Variants in SDK1 observed in about 807,000 individuals in gnomAD.
The protein encoded by SDK1 is sidekick cell adhesion molecule 1, also known as protein sidekick-1.
Under a neutral mutation model 245.5 loss-of-function variants are expected in SDK1, and 157 were observed. The ratio of observed to expected loss-of-function variants is 0.64; its 90% confidence interval spans 0.56 to 0.73. The LOEUF is 0.73. Ranked by LOEUF, SDK1 falls within the 30% of genes least tolerant of loss-of-function variation. The pLI is 0.00. For synonymous variants in SDK1, 1,647 were observed against 1,278.5 expected, an observed-to-expected ratio of 1.29 and a Z score of -6.15; for missense variants, 3,583 against 3,002.3, an observed-to-expected ratio of 1.19 and a Z score of -4.52.
chr7:3,898,625 A>C (rs961930623), intron 5 of SDK1, among the ~76,000 whole-genome samples: 9 of 152,208 alleles, frequency 5.9e-5, no homozygotes, highest in African/African-American at 2.2e-4. Context: ...GCAACAAAAG[A>C]GCAGCATCTC....
At chr7:3,731,803 A>T (rs988850175) in intron 4 of SDK1, among the ~76,000 whole-genome samples, 2 of 151,962 alleles carry the variant, frequency 1.3e-5, no homozygotes, top group Non-Finnish European at 2.9e-5. Context: ...ATTTTATTTT[A>T]TTTTTTTGAG....
intron 4 of SDK1, among the ~76,000 whole-genome samples, chr7:3,732,846 A>G (rs1398591018): frequency 6.6e-6 from 1 of 152,136 alleles, no homozygotes; most frequent in Non-Finnish European, 1.5e-5. Context: ...TGGTGACTAG[A>G]TTATCTTTCT....
intron 14 of SDK1, among the ~76,000 whole-genome samples, chr7:3,989,081 C>G (rs1784092260): frequency 6.6e-6 from 1 of 152,188 alleles, no homozygotes; most frequent in Non-Finnish European, 1.5e-5. Flanking sequence ...AATACGTAAG[C>G]TGCCGGCCTC....
chr7:3,755,071 C>CTA (rs1430502906), intron 4 of SDK1, among the ~76,000 whole-genome samples: 1 of 152,172 alleles, frequency 6.6e-6, no homozygotes, highest in Admixed American at 6.5e-5. Flanking sequence ...TCAGAGCTTG[C>CTA]TATACCAAGG....
chr7:3,656,938 G>A (rs1010315546), intron 4 of SDK1, among the ~76,000 whole-genome samples: 23 of 151,654 alleles, frequency 1.5e-4, no homozygotes, highest in African/African-American at 5.1e-4. Flanking sequence ...TAGTAGAGAC[G>A]GGGTTTCACC....
chr7:3,799,125 T>G (rs1483903492), intron 4 of SDK1, among the ~76,000 whole-genome samples: 2 of 152,234 alleles, frequency 1.3e-5, no homozygotes, highest in South Asian at 2.1e-4. Flanking sequence ...CCCTCATGTT[T>G]CTTCTCCTCT....
chr7:3,750,365 A>T (rs985540641), intron 4 of SDK1, among the ~76,000 whole-genome samples: 3 of 152,224 alleles, frequency 2.0e-5, no homozygotes, highest in African/African-American at 7.2e-5. Flanking sequence ...AAGCAGGTAA[A>T]GAATGTAAAT....
In SDK1 at chr7:3,988,737, G is replaced by A. The variant is rs865944076; in HGVS notation, c.2131+1415G>A. 4.6e-5 allele frequency among the ~76,000 whole-genome samples: 7 copies of A among 152,048 alleles called. No homozygotes were observed. The Middle Eastern group carries it at 9.6e-3, about 208-fold the overall frequency. On this transcript the variant is annotated intron_variant, in intron 14 of 44. Transcript: ENST00000404826. ...GATAATCCATTACCTCCACAAAGAAGCTCTCCAGCACGCCAGCCCGATTTC... is the reference window on the plus strand; with the variant it reads ...GATAATCCATTACCTCCACAAAGAAACTCTCCAGCACGCCAGCCCGATTTC...
chr7:4,116,310 C>G (rs1783706186), intron 25 of SDK1, among the ~76,000 whole-genome samples: 1 of 152,186 alleles, frequency 6.6e-6, no homozygotes, highest in Non-Finnish European at 1.5e-5. Context: ...ATTCCCAACA[C>G]CACCCCTCCA....
intron 4 of SDK1, among the ~76,000 whole-genome samples, chr7:3,660,905 C>T (rs1038583707): frequency 2.6e-5 from 4 of 152,208 alleles, no homozygotes; most frequent in Admixed American, 2.6e-4. Flanking sequence ...CTGAGAGATA[C>T]ATTATGTCCT....
At chr7:3,986,621 GA>G (rs1783851539) in intron 13 of SDK1, among the ~76,000 whole-genome samples, 1 of 152,218 alleles carries the variant, frequency 6.6e-6, no homozygotes, top group African/African-American at 2.4e-5. Flanking sequence ...AGCACTTTGG[GA>G]GGCCAAGGCG....
chr7:3,305,057 G>A (rs1175115292), intron 1 of SDK1, among the ~76,000 whole-genome samples: 1 of 152,120 alleles, frequency 6.6e-6, no homozygotes, highest in Admixed American at 6.5e-5. Context: ...CCCAACAATT[G>A]CAGTGACTTT....
intron 5 of SDK1, among the ~76,000 whole-genome samples, chr7:3,862,011 C>T (rs1011906625): frequency 6.6e-6 from 1 of 152,098 alleles, no homozygotes; most frequent in African/African-American, 2.4e-5. Flanking sequence ...CAAAGGCTGC[C>T]GAGTATTATT....
chr7:4,138,389 G>A (rs909844249), intron 28 of SDK1, among the ~76,000 whole-genome samples: 2 of 152,248 alleles, frequency 1.3e-5, no homozygotes, highest in Non-Finnish European at 2.9e-5. Flanking sequence ...AGAAATCGCA[G>A]AATGAAAAAC....
intron 5 of SDK1, among the ~76,000 whole-genome samples, chr7:3,906,944 G>T (rs981924126): frequency 6.6e-6 from 1 of 151,944 alleles, no homozygotes; most frequent in African/African-American, 2.4e-5. Context: ...TGTCTTTTTT[G>T]ATCTCCTTTC....
At chr7:4,189,295 G>C (rs1783058188) in intron 35 of SDK1, among the ~76,000 whole-genome samples, 1 of 152,120 alleles carries the variant, frequency 6.6e-6, no homozygotes, top group African/African-American at 2.4e-5. Context: ...TATTGTAATG[G>C]CTCGTCCCTG....
At chr7:3,362,819 G>A (rs1005440151) in intron 1 of SDK1, among the ~76,000 whole-genome samples, 8 of 152,276 alleles carry the variant, frequency 5.3e-5, no homozygotes, top group South Asian at 2.1e-4. Context: ...TTCCATGCGT[G>A]TGTGATTAGA....
At chr7:4,178,079 G>A (rs1183584223) in intron 34 of SDK1, among the ~76,000 whole-genome samples, 2 of 152,230 alleles carry the variant, frequency 1.3e-5, no homozygotes, top group East Asian at 1.9e-4. Context: ...GCAGTAATGC[G>A]AGGGATGGGG....
At chr7:3,356,505 C>T (rs1043788801) in intron 1 of SDK1, among the ~76,000 whole-genome samples, 1 of 152,102 alleles carries the variant, frequency 6.6e-6, no homozygotes, top group African/African-American at 2.4e-5. Context: ...GATCTAAGAC[C>T]TCCTCCTTTA....
Sources: gnomAD v4.1 joint callset for allele counts (sites outside exome capture counted in the v4.1 genomes callset) on GRCh38, gnomAD v4.1.1 for gene constraint, MANE v1.5 for transcripts, NCBI Gene and HGNC (gene_info 2026-07-23, HGNC 2026-07-21) for gene names.